MDGA1: variants seen among roughly 807,000 people sequenced by gnomAD.
MDGA1 encodes MAM domain-containing glycosylphosphatidylinositol anchor protein 1.
Under a neutral mutation model 101.5 loss-of-function variants are expected in MDGA1, and 54 were observed. That is an observed-to-expected ratio of 0.53 (90% CI 0.43 to 0.67). MDGA1 has a LOEUF of 0.67. MDGA1 is among the 30% of genes least tolerant of loss of function. The pLI, the probability that MDGA1 is intolerant of heterozygous loss-of-function variation, is 0.00. For synonymous variants in MDGA1, 533 were observed against 558.3 expected (o/e 0.95, Z 0.64); for missense variants, 1,083 against 1,323.8 (o/e 0.82, Z 2.82).
rs1445123222 is a variant in MDGA1 at position 37,654,477 on chromosome 6, A to G, written c.779T>C (p.Val260Ala). The stretch of plus-strand genomic sequence containing the variant: ...ATCACCGCCTGTCAGCAGACACTGC[A>G]CCGTCACATTCTCCCCAGGGTTCAC... ...LVVNPGENVT[V>A]QCLLTGGDPL... The change falls in exon 6 of 17, where the codon GTG becomes GCG. Residue 260 changes from valine to alanine, a missense_variant. This residue lies in a region of MDGA1 where 116 missense variants were observed against 196.6 expected (regional missense o/e 0.59). Transcript: ENST00000434837. 3 of 1,614,016 alleles carry G rather than the reference A, an allele frequency of 1.9e-6. No individual in the cohort carries two copies. Among genetic ancestry groups the G allele is most frequent in the East Asian group, 2.2e-5 (1 of 44,874 alleles).
At chr6:37,651,960 T>G in intron 7 of MDGA1, 51 bp downstream of exon 7, 1 of 1,439,098 alleles carries the variant, frequency 6.9e-7, no homozygotes, top group Non-Finnish European at 9.3e-7. Flanking sequence ...CTCCTGTCTG[T>G]GGGCCTCTCC....
chr6:37,667,083 A>G (rs953434696), intron 1 of MDGA1, among the ~76,000 whole-genome samples: 4 of 152,244 alleles, frequency 2.6e-5, no homozygotes, highest in African/African-American at 4.8e-5. Flanking sequence ...CCTTCCCCCA[A>G]CACTGATGGG....
At chr6:37,639,738 C>G (rs1056473817) in intron 14 of MDGA1, 6 of 152,254 alleles carry the variant, frequency 3.9e-5, no homozygotes, top group Middle Eastern at 3.4e-3. Context: ...GGCTTGGCAC[C>G]AGTAGACTGT....
chr6:37,635,131 C>T lies in MDGA1; in HGVS notation c.*2237G>A, dbSNP rs1015533893. 2.7e-5 allele frequency: 6 copies of T among 218,832 alleles called. No homozygotes were observed. The highest frequency in any genetic ancestry group is 3.6e-5 in the Non-Finnish European group (4 of 112,412). 13.6% of individuals were successfully genotyped at this position (218,832 alleles called of 1,614,324 possible). On this transcript the variant is annotated 3_prime_UTR_variant, in exon 17 of 17. Transcript: ENST00000434837. ...GAGCTTTTCAACATTTCTTGATGTC[C>T]GACTGCGCTCCAGTCCAATTAACTC...
rs1260991331 is a variant in MDGA1 at position 37,647,250 on chromosome 6, A to G, written c.1969T>C (p.Ser657Pro). ...CTCTGAGTCCACTGCAGCACGTAGG[A>G]GTAGTTCTTGGACAGCTTGTGGCTG... ...TRSHKLSKNY[S>P]YVLQWTQREP... The change falls in exon 10 of 17, where the codon TCC (serine) becomes CCC (proline). Residue 657 changes from serine to proline, a missense_variant. Ser to Pro is a moderately conservative substitution (Grantham distance 74, BLOSUM62 -1). Coordinates refer to ENST00000434837, the MANE Select transcript of MDGA1 (RefSeq NM_153487.4). 1 of 1,578,776 alleles carries G rather than the reference A, an allele frequency of 6.3e-7. No homozygotes were observed. Among genetic ancestry groups the G allele is most frequent in the Non-Finnish European group, 8.6e-7 (1 of 1,162,712 alleles).
At chr6:37,654,953 G>A (rs749813065) in intron 4 of MDGA1, 21 bp from the exon 5 acceptor site, 1 of 1,611,694 alleles carries the variant, frequency 6.2e-7, no homozygotes, top group Non-Finnish European at 8.5e-7. Flanking sequence ...GTGGACCACT[G>A]GGGTGAGGTG....
Position 37,655,043 on chromosome 6 carries a change from C to T in MDGA1, c.580-111G>A, listed in dbSNP as rs946470170. ...CCACAAATGCCTGTCTAATTCCTCT[C>T]TTTCCATCCCCAACCCCACCCTCAC... On this transcript the variant is annotated intron_variant, in intron 4 of 16. Coordinates refer to ENST00000434837, the MANE Select transcript of MDGA1 (RefSeq NM_153487.4). The surrounding 1 kb of genome is among the most constrained non-coding windows in gnomAD (Gnocchi z 5.1). 1.3e-5 allele frequency: 17 copies of T among 1,339,934 alleles called. No individual in the cohort carries two copies. The highest frequency in any genetic ancestry group is 8.9e-5 in the Admixed American group (4 of 44,998). The allele number at this position is 1,339,934 out of a possible 1,614,324, so 83.0% of individuals were successfully genotyped here. A position where few individuals can be genotyped will look rare whatever the true frequency, so the allele number is the denominator to read the frequency against.
At position 37,697,194 on chromosome 6, in the gene MDGA1, C is replaced by A. The variant is rs907757964; in HGVS notation, c.-383G>T. On this transcript the variant is annotated 5_prime_UTR_variant, in exon 1 of 17. Transcript: ENST00000434837. Reference sequence around the variant, plus strand: ...GGCGGCGCTTCGATCCAACAGGCCACGGACGACTGACAAACTTGTCGTTTC... The same window carrying A: ...GGCGGCGCTTCGATCCAACAGGCCAAGGACGACTGACAAACTTGTCGTTTC... The A allele has an allele frequency of 1.0e-5, 2 of 194,818 alleles. No homozygotes were observed. Among genetic ancestry groups the A allele is most frequent in the East Asian group, 1.4e-4 (1 of 7,006 alleles). The allele number at this position is 194,818 out of a possible 1,614,324, so 12.1% of individuals were successfully genotyped here.
chr6:37,651,026 G>C (rs1169035423), intron 7 of MDGA1, among the ~76,000 whole-genome samples: 1 of 152,242 alleles, frequency 6.6e-6, no homozygotes, highest in African/African-American at 2.4e-5. Context: ...AATAATGGCT[G>C]CAGCTGGAAC....
chr6:37,686,432 CT>C lies in MDGA1; in HGVS notation c.67+10312del, dbSNP rs35643390. 2.0e-4 allele frequency among the ~76,000 whole-genome samples: 28 copies of C among 143,122 alleles called. No homozygotes were observed. In the East Asian group the frequency reaches 2.1e-3, roughly 10 times the overall value. 93.9% of individuals were successfully genotyped at this position (143,122 alleles called of 152,430 possible). ...TAATGGGTATGTTGTGCAACCTGGG[CT>C]TTTTTTTTTTGAGATGGAGTTTCAC... is the stretch of plus-strand genomic sequence containing the variant. On this transcript the variant is annotated intron_variant, in intron 1 of 16. Coordinates refer to ENST00000434837, the MANE Select transcript of MDGA1 (RefSeq NM_153487.4).
rs1019634436 is a variant in MDGA1, at chr6:37,636,084, A to T, written c.*1284T>A. 2 of 191,138 alleles carry T rather than the reference A, an allele frequency of 1.0e-5. No individual in the cohort carries two copies. Among genetic ancestry groups the T allele is most frequent in the African/African-American group, 4.6e-5 (2 of 43,182 alleles). The allele number at this position is 191,138 out of a possible 1,614,324, so 11.8% of individuals were successfully genotyped here. A position where few individuals can be genotyped will look rare whatever the true frequency, so the allele number is the denominator to read the frequency against. On this transcript the variant is annotated 3_prime_UTR_variant, in exon 17 of 17. Coordinates refer to ENST00000434837, the MANE Select transcript of MDGA1 (RefSeq NM_153487.4). ...ACGCATGCCTAAAGAGTCATTCTAG[A>T]AGGGGCTGGGCCTTCTCTCTCCCAT...
In MDGA1 at chr6:37,696,117, G is replaced by A. The variant is rs1231411490; in HGVS notation, c.67+628C>T. Among the ~76,000 whole-genome samples, 1 of 152,226 alleles carries A rather than the reference G, an allele frequency of 6.6e-6. No homozygotes were observed. The highest frequency in any genetic ancestry group is 1.5e-5 in the Non-Finnish European group (1 of 68,034). On this transcript the variant is annotated intron_variant, in intron 1 of 16. Coordinates refer to ENST00000434837, the MANE Select transcript of MDGA1 (RefSeq NM_153487.4). The surrounding 1 kb of genome is among the most constrained non-coding windows in gnomAD (Gnocchi z 5.6). ...ATGTATCTGTGTGTGCGCGCAGGAA[G>A]GAAGGTGGGGTTGGGGTTTGTAGCC...
intron 5 of MDGA1, 49 bp downstream of exon 5, chr6:37,654,751 G>C (rs1285262307): frequency 1.2e-6 from 2 of 1,608,962 alleles, no homozygotes; most frequent in Non-Finnish European, 1.7e-6. Context: ...TCTCCTGGTT[G>C]GGAGTTAGCT....
chr6:37,657,422 A>G (rs1761516812), intron 3 of MDGA1, among the ~76,000 whole-genome samples: 1 of 152,188 alleles, frequency 6.6e-6, no homozygotes, highest in Admixed American at 6.5e-5. Context: ...GGAGGTGGGC[A>G]TTGGTGGGGT....
chr6:37,692,729 A>G (rs1241616368), intron 1 of MDGA1, among the ~76,000 whole-genome samples: 1 of 151,468 alleles, frequency 6.6e-6, no homozygotes, highest in Non-Finnish European at 1.5e-5. Flanking sequence ...CAGAGCTAAT[A>G]TACCAGGCTC....
intron 9 of MDGA1, chr6:37,648,013 G>GGGAGGCGGCTCTCCTCACAT (rs1761254428): frequency 6.6e-6 from 1 of 152,444 alleles, no homozygotes; most frequent in Admixed American, 6.5e-5. Context: ...AGCTTTTGCA[G>GGGAGGCGGCTCTCCTCACAT]GGAGGCGGCT....
At chr6:37,660,844 A>T (rs928517768) in intron 2 of MDGA1, among the ~76,000 whole-genome samples, 1 of 152,160 alleles carries the variant, frequency 6.6e-6, no homozygotes, top group Non-Finnish European at 1.5e-5. Context: ...CTTCCATAGA[A>T]GTCCTACTTG....
intron 3 of MDGA1, among the ~76,000 whole-genome samples, 181 bp from the exon 4 acceptor site, chr6:37,656,077 C>CT (rs11396919): frequency 0.63 from 89,547 of 142,062 alleles, 28,632 homozygotes; most frequent in East Asian, 0.85. Flanking sequence ...GGACTTTTTC[C>CT]TTTTTTTTTT....
At chr6:37,686,905 G>A (rs1309147249) in intron 1 of MDGA1, among the ~76,000 whole-genome samples, 1 of 152,176 alleles carries the variant, frequency 6.6e-6, no homozygotes, top group Non-Finnish European at 1.5e-5. Flanking sequence ...TAGCAAACAG[G>A]CCTGGGGGGT....
Sources: gnomAD v4.1 joint callset for allele counts (sites outside exome capture counted in the v4.1 genomes callset) on GRCh38, gnomAD v4.1.1 for gene constraint, gnomAD v4.1.1 regional missense constraint, Gnocchi (gnomAD v3.1) non-coding constraint, MANE v1.5 for transcripts, NCBI Gene and HGNC (gene_info 2026-07-23, HGNC 2026-07-21) for gene names.